BRAF: variants seen among roughly 807,000 people sequenced by gnomAD.
BRAF encodes the protein serine/threonine-protein kinase B-raf.
Under a neutral mutation model 104.6 loss-of-function variants are expected in BRAF, and 16 were observed. The ratio of observed to expected loss-of-function variants is 0.15; its 90% confidence interval spans 0.10 to 0.23. The LOEUF (loss-of-function observed/expected upper bound fraction) is 0.23. Among genes scored for constraint, BRAF ranks in the 10% least tolerant of loss-of-function variants. The probability of loss-of-function intolerance (pLI) is 1.00; values close to 1 mark genes in which losing one functional copy is unlikely to be tolerated. For missense variants in BRAF, 541 were observed against 937.3 expected (o/e 0.58, Z 5.52); for synonymous variants, 310 against 341.6 (o/e 0.91, Z 1.02).
chr7:140,721,328 TAAGA>T lies in BRAF; in HGVS notation c.*5162_*5165del. On this transcript the variant is annotated 3_prime_UTR_variant, in exon 20 of 20. Coordinates refer to ENST00000644969, the MANE Select transcript of BRAF (RefSeq NM_001374258.1). ...TTTTTAAAGCACTGTTACCTTAATT[TAAGA>T]TTTTAGGAGTTGGGTTTCTGTCCTT... 1 of 1,194,250 alleles carries T rather than the reference TAAGA, an allele frequency of 8.4e-7. No individual in the cohort carries two copies. The highest frequency in any genetic ancestry group is 1.0e-6 in the Non-Finnish European group (1 of 965,294). 74.0% of individuals were successfully genotyped at this position (1,194,250 alleles called of 1,614,324 possible).
At chr7:140,856,897 G>A (rs533022952) in intron 1 of BRAF, among the ~76,000 whole-genome samples, 5 of 152,236 alleles carry the variant, frequency 3.3e-5, no homozygotes, top group African/African-American at 7.2e-5. Context: ...ATGAACTGAC[G>A]TTAAGGTGCA....
chr7:140,905,463 G>C (rs1287556166), intron 1 of BRAF, among the ~76,000 whole-genome samples: 2 of 152,176 alleles, frequency 1.3e-5, no homozygotes, highest in Non-Finnish European at 2.9e-5. Context: ...CTGTCTGCTA[G>C]AATATGCATG....
chr7:140,786,282 A>C (rs1351779429), intron 9 of BRAF, among the ~76,000 whole-genome samples: 1 of 152,240 alleles, frequency 6.6e-6, no homozygotes, highest in East Asian at 1.9e-4. Flanking sequence ...ATGGGTATAC[A>C]GAAACATAAC....
intron 14 of BRAF, among the ~76,000 whole-genome samples, chr7:140,755,703 A>G (rs1339649139): frequency 6.6e-6 from 1 of 152,172 alleles, no homozygotes; most frequent in Non-Finnish European, 1.5e-5. Flanking sequence ...CACTGCTTAC[A>G]AAGTTCTGCA....
chr7:140,765,742 A>G (rs1799251267), intron 14 of BRAF, among the ~76,000 whole-genome samples: 2 of 152,186 alleles, frequency 1.3e-5, no homozygotes, highest in South Asian at 2.1e-4. Context: ...AATCAAAACC[A>G]TAATGAGATA....
intron 12 of BRAF, chr7:140,780,679 T>G (rs1314063493): frequency 2.6e-5 from 4 of 152,212 alleles, no homozygotes; most frequent in African/African-American, 9.7e-5. Flanking sequence ...TACCATGCCA[T>G]TTTAACTCCT....
the BRAF span, among the ~76,000 whole-genome samples, chr7:140,713,366 T>C: frequency 6.6e-6 from 1 of 152,226 alleles, no homozygotes; most frequent in South Asian, 2.1e-4. Flanking sequence ...TCATTTCATC[T>C]TCCATCACTG....
rs150730976 is a variant in BRAF at position 140,758,510 on chromosome 7, A to G, written c.1815-4277T>C. Among the ~76,000 whole-genome samples the G allele has an allele frequency of 3.8e-3, 578 of 152,006 alleles. 4 individuals carry two copies. Among genetic ancestry groups the G allele is most frequent in the African/African-American group, 0.011 (457 of 41,428 alleles). On this transcript the variant is annotated intron_variant, in intron 14 of 19. Coordinates refer to ENST00000644969, the MANE Select transcript of BRAF (RefSeq NM_001374258.1). ...TGCTCTCTTGCCCAGGCTGGAGTACAGTGGCATGATCACAGCTCACTGCAG... is the reference window on the plus strand; with the variant it reads ...TGCTCTCTTGCCCAGGCTGGAGTACGGTGGCATGATCACAGCTCACTGCAG...
intron 1 of BRAF, among the ~76,000 whole-genome samples, chr7:140,864,137 T>G (rs1810695704): frequency 6.6e-6 from 1 of 152,104 alleles, no homozygotes; most frequent in African/African-American, 2.4e-5. Context: ...GGAAGACTAG[T>G]TGAAACTATG....
intron 17 of BRAF, among the ~76,000 whole-genome samples, chr7:140,743,103 G>A (rs1435919058): frequency 6.6e-6 from 1 of 151,974 alleles, no homozygotes; most frequent in African/African-American, 2.4e-5. Flanking sequence ...GGAGAAATAG[G>A]AACACTTTTA....
intron 1 of BRAF, among the ~76,000 whole-genome samples, chr7:140,881,744 C>G (rs1044701570): frequency 6.6e-6 from 1 of 152,114 alleles, no homozygotes; most frequent in African/African-American, 2.4e-5. Context: ...TACTTAGAGG[C>G]CATTGTAGAG....
At chr7:140,876,012 G>A (rs1200430721) in intron 1 of BRAF, among the ~76,000 whole-genome samples, 1 of 152,204 alleles carries the variant, frequency 6.6e-6, no homozygotes, top group East Asian at 1.9e-4. Flanking sequence ...TGAGGAGTAA[G>A]CAAAATGGTA....
rs904656285 is a variant in BRAF at position 140,725,716 on chromosome 7, A to C, written c.*778T>G. On this transcript the variant is annotated 3_prime_UTR_variant, in exon 20 of 20. Coordinates refer to ENST00000644969, the MANE Select transcript of BRAF (RefSeq NM_001374258.1). ...TTGTGGAGGAAAAAAAAAAAACCCA[A>C]ACACTTATCTTCATTGCTGGACCCA... 2 of 1,059,678 alleles carry C rather than the reference A, an allele frequency of 1.9e-6. No individual in the cohort carries two copies. The highest frequency in any genetic ancestry group is 2.3e-6 in the Non-Finnish European group (2 of 875,888). The allele number at this position is 1,059,678 out of a possible 1,614,324, so 65.6% of individuals were successfully genotyped here.
chr7:140,841,887 A>G (rs1479046894), intron 2 of BRAF, among the ~76,000 whole-genome samples: 8 of 152,006 alleles, frequency 5.3e-5, no homozygotes, highest in African/African-American at 1.7e-4. Flanking sequence ...AACAGAAGGG[A>G]AAAAAATCTA....
chr7:140,860,827 A>G (rs1489021821), intron 1 of BRAF, among the ~76,000 whole-genome samples: 1 of 152,248 alleles, frequency 6.6e-6, no homozygotes, highest in South Asian at 2.1e-4. Context: ...AAGGATGAGC[A>G]TATCCTATCA....
intron 1 of BRAF, among the ~76,000 whole-genome samples, chr7:140,912,259 G>A (rs527410734): frequency 6.6e-6 from 1 of 151,942 alleles, no homozygotes; most frequent in Admixed American, 6.6e-5. Flanking sequence ...CCTCATTCTC[G>A]GCTGATAACC....
At chr7:140,764,894 A>G (rs549070759) in intron 14 of BRAF, among the ~76,000 whole-genome samples, 3 of 152,226 alleles carry the variant, frequency 2.0e-5, no homozygotes, top group East Asian at 1.9e-4. Flanking sequence ...TACAGATTCA[A>G]TGCCATCCCC....
chr7:140,820,044 T>C (rs939601154), intron 3 of BRAF, among the ~76,000 whole-genome samples: 3 of 152,208 alleles, frequency 2.0e-5, no homozygotes, highest in African/African-American at 7.2e-5. Context: ...CTAAACAGGC[T>C]TAGAACACAA....
chr7:140,726,508 C>T lies in BRAF; in HGVS notation c.2410G>A (p.Ala804Thr), dbSNP rs781405633. 2 of 1,536,320 alleles carry T rather than the reference C, an allele frequency of 1.3e-6. No homozygotes were observed. The change falls in exon 20 of 20, where the codon GCA becomes ACA. Residue 804 changes from alanine (A) to threonine (T), a missense_variant. This residue lies in a region of BRAF where 129 missense variants were observed against 285.8 expected (regional missense o/e 0.45). Coordinates refer to ENST00000644969, the MANE Select transcript of BRAF (RefSeq NM_001374258.1). Reference sequence around the variant, plus strand: ...CATGATGGTGGCTACTTGAAGGCTGCAAATTCTCCTGTAGAGGGAGGACAA... The same window carrying T: ...CATGATGGTGGCTACTTGAAGGCTGTAAATTCTCCTGTAGAGGGAGGACAA... ...PIQAGGYGEFAAFK is the reference protein window; with the variant it reads ...PIQAGGYGEFTAFK
Sources: allele counts gnomAD v4.1 joint callset (sites outside exome capture counted in the v4.1 genomes callset), GRCh38; gene constraint gnomAD v4.1.1; regional missense constraint gnomAD v4.1.1; transcripts MANE v1.5; gene names NCBI Gene and HGNC (gene_info 2026-07-23, HGNC 2026-07-21).